The following ENPP3 variants were observed in gnomAD, a reference collection of about 807,000 sequenced individuals.
ENPP3 encodes ectonucleotide pyrophosphatase/phosphodiesterase family member 3.
ENPP3 carries 104 observed loss-of-function variants against 117.8 expected under a neutral mutation model. The ratio of observed to expected loss-of-function variants is 0.88; its 90% confidence interval spans 0.75 to 1.04. The LOEUF is 1.04. Ranked by LOEUF, ENPP3 falls within the 50% of genes least tolerant of loss-of-function variation. The pLI is 0.00. For missense variants in ENPP3, 1,026 were observed against 1,051.9 expected, an observed-to-expected ratio of 0.98 and a Z score of 0.34; for synonymous variants, 380 against 349.9, an observed-to-expected ratio of 1.09 and a Z score of -0.96.
intron 6 of ENPP3, among the ~76,000 whole-genome samples, chr6:131,670,608 A>G (rs1778719034): frequency 6.6e-6 from 1 of 152,062 alleles, no homozygotes; most frequent in South Asian, 2.1e-4. Context: ...CTCCCACCTC[A>G]GCCTCCCGAG....
chr6:131,740,306 G>T lies in ENPP3; in HGVS notation c.2383G>T (p.Glu795Ter). ...TSCKNKSHTP[E>*]NCPGWLDVLP... ...TTGTAAAAACAAGAGCCACACACCGGAAAACTGCCCTGGGTGGCTGGATGT... is the reference window on the plus strand; with the variant it reads ...TTGTAAAAACAAGAGCCACACACCGTAAAACTGCCCTGGGTGGCTGGATGT... Residue 795 changes from glutamate to a stop codon, truncating the protein, a stop_gained, in exon 24 of 25, where the codon GAA becomes TAA. Coordinates refer to ENST00000357639, the MANE Select transcript of ENPP3 (RefSeq NM_005021.5). LOFTEE classifies it high-confidence loss of function. 6.2e-7 allele frequency: 1 copy of T among 1,613,254 alleles called. No individual in the cohort carries two copies. The highest frequency in any genetic ancestry group is 8.5e-7 in the Non-Finnish European group (1 of 1,179,564).
rs1778226442 is a variant in ENPP3, at chr6:131,649,925, T to G, written c.155-102T>G. The G allele has an allele frequency of 8.3e-6, 10 of 1,204,176 alleles. 1 individual carries two copies. In the South Asian group the frequency reaches 1.4e-4, roughly 17 times the overall value. The allele number at this position is 1,204,176 out of a possible 1,614,324, so 74.6% of individuals were successfully genotyped here. ...GCACCATAAAAATCATCTAGTTGTC[T>G]GTCATAGTCTGTGCTGTGTACTTCC... On this transcript the variant is annotated intron_variant, in intron 2 of 24. Coordinates refer to ENST00000357639, the MANE Select transcript of ENPP3 (RefSeq NM_005021.5).
chr6:131,679,000 TG>T (rs1403960996), intron 11 of ENPP3, among the ~76,000 whole-genome samples: 7 of 75,888 alleles, frequency 9.2e-5, no homozygotes, highest in South Asian at 5.0e-4. Context: ...CTTCCTTCCT[TG>T]CTTCCTTCCT....
At chr6:131,662,198 C>G (rs796158244) in intron 6 of ENPP3, among the ~76,000 whole-genome samples, 1 of 151,906 alleles carries the variant, frequency 6.6e-6, no homozygotes, top group East Asian at 1.9e-4. Flanking sequence ...TTTTGAAGAT[C>G]GGTTGACCAT....
intron 21 of ENPP3, 23 bp downstream of exon 21, chr6:131,733,746 G>C (rs937681238): frequency 6.2e-7 from 1 of 1,611,316 alleles, no homozygotes; most frequent in Non-Finnish European, 8.5e-7. Flanking sequence ...CTTTTTTAGA[G>C]CAGTAGCTTA....
chr6:131,682,866 TA>T (rs1779055354), intron 11 of ENPP3, among the ~76,000 whole-genome samples, 187 bp from the exon 12 acceptor site: 2 of 152,222 alleles, frequency 1.3e-5, no homozygotes, highest in African/African-American at 4.8e-5. Flanking sequence ...GATTTTTGTT[TA>T]TAGAAATTTA....
intron 2 of ENPP3, among the ~76,000 whole-genome samples, chr6:131,642,017 G>A (rs1400530540): frequency 6.6e-6 from 1 of 151,526 alleles, no homozygotes; most frequent in Non-Finnish European, 1.5e-5. Context: ...CTGGTCTCGA[G>A]CTCCCGGGCT....
chr6:131,654,797 T>C (rs564736411), intron 5 of ENPP3, among the ~76,000 whole-genome samples: 8 of 152,304 alleles, frequency 5.3e-5, no homozygotes, highest in Non-Finnish European at 1.0e-4. Context: ...GTATAAATAA[T>C]GTGCCTGTTT....
At position 131,734,669 on chromosome 6, in the gene ENPP3, G is replaced by T. The variant is rs545213492; in HGVS notation, c.2089+946G>T. 8.5e-5 allele frequency among the ~76,000 whole-genome samples: 13 copies of T among 152,076 alleles called. No homozygotes were observed. The East Asian group carries it at 2.5e-3, about 29-fold the overall frequency. ...CCCAGCACTTTGGGAGGCCAAAGTG[G>T]GTGGATCACCTGAGATCAGGAGTTC... On this transcript the variant is annotated intron_variant, in intron 21 of 24. Coordinates refer to ENST00000357639, the MANE Select transcript of ENPP3 (RefSeq NM_005021.5).
chr6:131,652,183 C>A (rs1778277226), intron 3 of ENPP3, among the ~76,000 whole-genome samples: 1 of 152,200 alleles, frequency 6.6e-6, no homozygotes, highest in South Asian at 2.1e-4. Flanking sequence ...TGTCCTTAGA[C>A]AAGGCTGGGC....
At chr6:131,719,382 AACACACACAC>A (rs3032879) in intron 16 of ENPP3, among the ~76,000 whole-genome samples, 230 of 133,194 alleles carry the variant, frequency 1.7e-3, no homozygotes, top group South Asian at 0.013. Context: ...TTCCATTTGT[AACACACACAC>A]ACACACACAC....
chr6:131,680,158 A>G lies in ENPP3; in HGVS notation c.1011+2218A>G, dbSNP rs112378863. ...GGGGAGAGACAGGTTAGCTTTCCCA[A>G]CATTCCAGAAAAGAGATAACAGTGA... On this transcript the variant is annotated intron_variant, in intron 11 of 24. Transcript: ENST00000357639. Among the ~76,000 whole-genome samples the G allele has an allele frequency of 2.5e-3, 383 of 152,344 alleles. 4 individuals are homozygous for G. Among genetic ancestry groups the G allele is most frequent in the African/African-American group, 8.9e-3 (369 of 41,592 alleles).
At chr6:131,721,281 ACTCT>A (rs1307825940) in intron 17 of ENPP3, among the ~76,000 whole-genome samples, 2 of 152,042 alleles carry the variant, frequency 1.3e-5, no homozygotes, top group Non-Finnish European at 2.9e-5. Context: ...CATGCTTACA[ACTCT>A]CTCTCTTAAT....
At chr6:131,674,402 G>A in intron 8 of ENPP3, 121 bp downstream of exon 8, 1 of 940,858 alleles carries the variant, frequency 1.1e-6, no homozygotes, top group African/African-American at 1.6e-5. Flanking sequence ...AAGGGCTGAG[G>A]GTGCAAAGGT....
intron 1 of ENPP3, among the ~76,000 whole-genome samples, chr6:131,639,863 G>C (rs1215444952): frequency 6.6e-6 from 1 of 152,062 alleles, no homozygotes; most frequent in Non-Finnish European, 1.5e-5. Context: ...ACAGTGGCTA[G>C]TGCCTATAAT....
intron 2 of ENPP3, chr6:131,642,877 A>C (rs1265962807): frequency 3.9e-5 from 6 of 152,118 alleles, no homozygotes; most frequent in Admixed American, 2.6e-4. Context: ...CAGCACCCTC[A>C]CCCTATTTTT....
intron 6 of ENPP3, among the ~76,000 whole-genome samples, chr6:131,663,320 A>G (rs960159785): frequency 3.3e-5 from 5 of 152,016 alleles, no homozygotes; most frequent in African/African-American, 1.2e-4. Context: ...GCTATGTGCC[A>G]CATAACAACA....
intron 5 of ENPP3, 74 bp downstream of exon 5, chr6:131,652,965 G>A (rs1028192832): frequency 9.1e-6 from 9 of 991,550 alleles, no homozygotes; most frequent in East Asian, 2.4e-5. Flanking sequence ...TAGTTGAGAC[G>A]CAGAGAGGAA....
intron 10 of ENPP3, 38 bp downstream of exon 10, chr6:131,676,839 A>T: frequency 7.5e-7 from 1 of 1,330,056 alleles, no homozygotes; most frequent in Non-Finnish European, 1.1e-6. Flanking sequence ...GCATAGTGGC[A>T]TATATATGGG....
Sources: gnomAD v4.1 joint callset for allele counts (sites outside exome capture counted in the v4.1 genomes callset) on GRCh38, gnomAD v4.1.1 for gene constraint, MANE v1.5 for transcripts, NCBI Gene and HGNC (gene_info 2026-07-23, HGNC 2026-07-21) for gene names.